Variants in PRKN observed in about 807,000 individuals in gnomAD.
PRKN encodes parkin RBR E3 ubiquitin protein ligase, also known as E3 ubiquitin-protein ligase parkin.
In PRKN, 56 loss-of-function variants were observed where a neutral mutation model predicts 59.5. That is an observed-to-expected ratio of 0.94 (90% CI 0.76 to 1.18). The LOEUF is 1.18. Ranked by LOEUF, PRKN falls within the 50% of genes most tolerant of loss-of-function variation. The pLI is 0.00. For missense variants in PRKN, 657 were observed against 596.4 expected (o/e 1.10, Z -1.06); for synonymous variants, 250 against 222.1 (o/e 1.13, Z -1.12).
Position 162,334,590 on chromosome 6 carries a change from G to A in PRKN, c.172-71825C>T, listed in dbSNP as rs1008985830. ...ACTGGTCACCCGAAAGATACACAAGGAGATTAATTTTGTTTTTATGCCTAC... is the reference window on the plus strand; with the variant it reads ...ACTGGTCACCCGAAAGATACACAAGAAGATTAATTTTGTTTTTATGCCTAC... On this transcript the variant is annotated intron_variant, in intron 2 of 11. Coordinates refer to ENST00000366898, the MANE Select transcript of PRKN (RefSeq NM_004562.3). 1.1e-4 allele frequency among the ~76,000 whole-genome samples: 16 copies of A among 152,290 alleles called. No individual in the cohort carries two copies. In the South Asian group the frequency reaches 2.5e-3, roughly 24 times the overall value.
intron 7 of PRKN, among the ~76,000 whole-genome samples, chr6:161,666,194 T>C (rs1017295199): frequency 2.0e-5 from 3 of 152,304 alleles, no homozygotes; most frequent in Admixed American, 6.5e-5. Context: ...TCCCGAGCCA[T>C]GGACCAGTAC....
intron 1 of PRKN, among the ~76,000 whole-genome samples, chr6:162,671,385 G>T (rs1306553445): frequency 6.6e-6 from 1 of 151,724 alleles, no homozygotes; most frequent in Non-Finnish European, 1.5e-5. Context: ...TGTAGTCCCA[G>T]CTACTCACGA....
At chr6:161,989,582 C>G (rs1393467552) in intron 5 of PRKN, among the ~76,000 whole-genome samples, 1 of 152,040 alleles carries the variant, frequency 6.6e-6, no homozygotes, top group Non-Finnish European at 1.5e-5. Context: ...TATATGGGGA[C>G]CTGGGGACCA....
At chr6:161,774,969 T>G (rs867992782) in intron 7 of PRKN, among the ~76,000 whole-genome samples, 21 of 152,148 alleles carry the variant, frequency 1.4e-4, no homozygotes, top group African/African-American at 4.8e-4. Context: ...GGAGTTAGTT[T>G]CAATGTGGCT....
chr6:162,185,288 T>C (rs58081236), intron 4 of PRKN, among the ~76,000 whole-genome samples: 7,559 of 152,078 alleles, frequency 0.05, 583 homozygotes, highest in African/African-American at 0.17. Context: ...ACTTACTTTT[T>C]CCCCCCACTA....
intron 7 of PRKN, among the ~76,000 whole-genome samples, chr6:161,617,199 A>G (rs147295701): frequency 5.2e-3 from 794 of 152,234 alleles, no homozygotes; most frequent in Non-Finnish European, 7.2e-3. Context: ...TGGCCGCGTA[A>G]ATGTCTTCTT....
In PRKN at chr6:161,356,420, AC is replaced by A. The variant is rs1784753590; in HGVS notation, c.1285+3667del. ...CTGTGTGGTTGCAATGTCAGTGGGG[AC>A]CCCCGGGGGGAAGGGCAGGACTGAC... On this transcript the variant is annotated intron_variant, in intron 11 of 11. Transcript: ENST00000366898. This position sits in a 1 kb window ranked among gnomAD's most constrained non-coding sequence, Gnocchi z 7.8. Among the ~76,000 whole-genome samples, 1 of 151,860 alleles carries A rather than the reference AC, an allele frequency of 6.6e-6. No homozygotes were observed. Among genetic ancestry groups the A allele is most frequent in the South Asian group, 2.1e-4 (1 of 4,788 alleles).
At chr6:162,001,586 T>C (rs926914393) in intron 5 of PRKN, among the ~76,000 whole-genome samples, 3 of 152,070 alleles carry the variant, frequency 2.0e-5, no homozygotes, top group Non-Finnish European at 4.4e-5. Context: ...TATAATGATG[T>C]CATCTGCTAC....
At chr6:162,682,262 T>C (rs1187154162) in intron 1 of PRKN, among the ~76,000 whole-genome samples, 1 of 151,836 alleles carries the variant, frequency 6.6e-6, no homozygotes, top group Non-Finnish European at 1.5e-5. Context: ...TTATTATATA[T>C]CCCAAAGGAA....
intron 10 of PRKN, among the ~76,000 whole-genome samples, chr6:161,370,453 G>A (rs959674735): frequency 6.6e-5 from 10 of 151,042 alleles, no homozygotes; most frequent in African/African-American, 2.2e-4. Context: ...TTAGCCGGGC[G>A]TGGTGGCAGG....
At position 161,545,143 on chromosome 6, in the gene PRKN, T is replaced by A. The variant is rs1779751330; in HGVS notation, c.1083+3711A>T. 7.7e-7 allele frequency: 1 copy of A among 1,290,860 alleles called. No homozygotes were observed. Among genetic ancestry groups the A allele is most frequent in the Admixed American group, 3.8e-5 (1 of 26,536 alleles). 80.0% of individuals were successfully genotyped at this position (1,290,860 alleles called of 1,614,324 possible). Reference sequence around the variant, plus strand: ...TTTTCAACTTTTTTATACGCGATTTTTTTTGTAACAGCTAACATTTCTTGC... The same window carrying A: ...TTTTCAACTTTTTTATACGCGATTTATTTTGTAACAGCTAACATTTCTTGC... On this transcript the variant is annotated intron_variant, in intron 9 of 11. Coordinates refer to ENST00000366898, the MANE Select transcript of PRKN (RefSeq NM_004562.3). The surrounding 1 kb of genome is among the most constrained non-coding windows in gnomAD (Gnocchi z 4.1).
rs150284601 is a variant in PRKN, at chr6:161,498,419, T to C, written c.1083+50435A>G. Among the ~76,000 whole-genome samples, 127 of 152,326 alleles carry C rather than the reference T, an allele frequency of 8.3e-4. No homozygotes were observed. Among genetic ancestry groups the C allele is most frequent in the African/African-American group, 3.0e-3 (123 of 41,580 alleles). On this transcript the variant is annotated intron_variant, in intron 9 of 11. Transcript: ENST00000366898. The surrounding 1 kb of genome is among the most constrained non-coding windows in gnomAD (Gnocchi z 4.2). ...TCAAGCCTCCTCCCAACACACCACA[T>C]GACCCCGCCGTGCCAGCCATTCACA...
At chr6:161,849,643 C>T (rs779558952) in intron 6 of PRKN, among the ~76,000 whole-genome samples, 13 of 152,090 alleles carry the variant, frequency 8.5e-5, no homozygotes, top group Non-Finnish European at 1.5e-4. Flanking sequence ...AATGAATGTC[C>T]TCGCCATGAT....
At chr6:162,281,875 G>A (rs1182931885) in intron 2 of PRKN, among the ~76,000 whole-genome samples, 2 of 152,152 alleles carry the variant, frequency 1.3e-5, no homozygotes, top group East Asian at 1.9e-4. Context: ...CCACAGATGA[G>A]GGCAATGGGG....
At chr6:162,296,883 C>T (rs1562649135) in intron 2 of PRKN, among the ~76,000 whole-genome samples, 1 of 152,138 alleles carries the variant, frequency 6.6e-6, no homozygotes, top group Non-Finnish European at 1.5e-5. Context: ...GCCACCTCAG[C>T]TTTCCAAATC....
At chr6:162,038,766 T>C (rs1482486518) in intron 5 of PRKN, among the ~76,000 whole-genome samples, 1 of 152,216 alleles carries the variant, frequency 6.6e-6, no homozygotes, top group Non-Finnish European at 1.5e-5. Context: ...GTAGACATGA[T>C]AGGATCACAT....
At chr6:161,987,505 T>C (rs1781479348) in intron 5 of PRKN, among the ~76,000 whole-genome samples, 1 of 152,238 alleles carries the variant, frequency 6.6e-6, no homozygotes, top group Non-Finnish European at 1.5e-5. Context: ...AGTATTTGCA[T>C]ATAACCTAAG....
chr6:161,790,432 T>C (rs1006815288), intron 6 of PRKN, among the ~76,000 whole-genome samples: 1 of 152,228 alleles, frequency 6.6e-6, no homozygotes, highest in East Asian at 1.9e-4. Flanking sequence ...TGAAGGTTTC[T>C]GCTATGGTCT....
intron 6 of PRKN, among the ~76,000 whole-genome samples, chr6:161,865,022 T>C (rs1406692799): frequency 6.6e-6 from 1 of 152,170 alleles, no homozygotes; most frequent in East Asian, 1.9e-4. Context: ...TGTTTTTAAA[T>C]TGCAATTCTT....
Sources: gnomAD v4.1 joint callset for allele counts (sites outside exome capture counted in the v4.1 genomes callset) on GRCh38, gnomAD v4.1.1 for gene constraint, Gnocchi (gnomAD v3.1) non-coding constraint, MANE v1.5 for transcripts, NCBI Gene and HGNC (gene_info 2026-07-23, HGNC 2026-07-21) for gene names.